The following DLG5 variants were observed in gnomAD, a reference collection of about 807,000 sequenced individuals.
DLG5 encodes discs large MAGUK scaffold protein 5.
A neutral mutation model predicts 189.8 loss-of-function variants in DLG5; 48 were observed. The ratio of observed to expected loss-of-function variants is 0.25; its 90% CI spans 0.20 to 0.32. The LOEUF (loss-of-function observed/expected upper bound fraction) is 0.32. Ranked by LOEUF, DLG5 falls within the 10% of genes least tolerant of loss-of-function variation. DLG5 has a pLI of 1.00. For missense variants in DLG5, 2,160 were observed against 2,544.7 expected, an observed-to-expected ratio of 0.85 and a Z score of 3.25; for synonymous variants, 1,016 against 1,054.1, an observed-to-expected ratio of 0.96 and a Z score of 0.70.
At chr10:77,910,103 T>C (rs1359748709) in intron 1 of DLG5, among the ~76,000 whole-genome samples, 1 of 152,144 alleles carries the variant, frequency 6.6e-6, no homozygotes, top group African/African-American at 2.4e-5. Context: ...TACGTCTACA[T>C]CCAGAAAGCC....
chr10:77,899,305 T>A (rs563698712), intron 1 of DLG5, among the ~76,000 whole-genome samples: 1 of 152,252 alleles, frequency 6.6e-6, no homozygotes, highest in South Asian at 2.1e-4. Flanking sequence ...GCAATGGAAA[T>A]CTGCCAGCAG....
At chr10:77,872,434 C>A (rs966386340) in intron 1 of DLG5, among the ~76,000 whole-genome samples, 7 of 152,210 alleles carry the variant, frequency 4.6e-5, no homozygotes, top group Non-Finnish European at 7.3e-5. Context: ...GCCTCTGGGG[C>A]CTAACCAGGG....
intron 1 of DLG5, among the ~76,000 whole-genome samples, chr10:77,897,991 T>C (rs938772090): frequency 6.6e-6 from 1 of 152,088 alleles, no homozygotes; most frequent in East Asian, 1.9e-4. Flanking sequence ...CCAGAGACCC[T>C]CCGAAGTCCT....
chr10:77,921,016 T>C (rs1230057499), intron 1 of DLG5, among the ~76,000 whole-genome samples: 2 of 152,172 alleles, frequency 1.3e-5, no homozygotes, highest in African/African-American at 4.8e-5. Context: ...TAATTTCAAA[T>C]GACTCTGCCA....
chr10:77,922,475 C>T (rs959942035), intron 1 of DLG5, among the ~76,000 whole-genome samples: 2 of 152,122 alleles, frequency 1.3e-5, no homozygotes, highest in African/African-American at 2.4e-5. Context: ...GCTTGTTCCC[C>T]GCAGATCCAT....
chr10:77,926,964 C>T (rs1464503436), upstream of DLG5: 1 of 376,990 alleles, frequency 2.7e-6, no homozygotes, highest in Non-Finnish European at 5.4e-6. The surrounding 1 kb of genome is among the most constrained non-coding windows in gnomAD (Gnocchi z 5.2). Context: ...GGGAGAAAGT[C>T]GCCTGGGCCG....
At chr10:77,878,175 C>G (rs1382136654) in intron 1 of DLG5, among the ~76,000 whole-genome samples, 1 of 152,234 alleles carries the variant, frequency 6.6e-6, no homozygotes, top group Non-Finnish European at 1.5e-5. Flanking sequence ...TTGCAGAGTA[C>G]ACTGCCCTCC....
At position 77,926,407 on chromosome 10, in the gene DLG5, G is replaced by A. The variant is rs747105151; in HGVS notation, c.114C>T (p.Pro38=). Reference sequence around the variant, plus strand: ...CCTCGTCCAGCTGCCGCCGCTCGCCGGGACTGAGCGCTCCCGCGGCCTCGA... The same window carrying A: ...CCTCGTCCAGCTGCCGCCGCTCGCCAGGACTGAGCGCTCCCGCGGCCTCGA... The part of the protein sequence containing the change: ...GLLEAAGALS[P]GERRQLDEEA... The change falls in exon 1 of 32, where the codon CCC becomes CCT. Residue 38 remains proline, a synonymous_variant. Coordinates refer to ENST00000372391, the MANE Select transcript of DLG5 (RefSeq NM_004747.4). The surrounding 1 kb of genome is among the most constrained non-coding windows in gnomAD (Gnocchi z 5.2). The A allele has an allele frequency of 3.2e-6, 5 of 1,585,198 alleles. No individual in the cohort carries two copies. The highest frequency in any genetic ancestry group is 2.6e-6 in the Non-Finnish European group (3 of 1,168,238).
chr10:77,910,987 G>GAAAAA (rs55832630), intron 1 of DLG5, among the ~76,000 whole-genome samples: 25 of 84,212 alleles, frequency 3.0e-4, no homozygotes, highest in African/African-American at 3.3e-4. Flanking sequence ...CTGTCTGAAG[G>GAAAAA]AAAAAAAAAA....
At chr10:77,862,914 G>C (rs189299505) in intron 2 of DLG5, among the ~76,000 whole-genome samples, 20 of 152,244 alleles carry the variant, frequency 1.3e-4, no homozygotes, top group Admixed American at 3.3e-4. Flanking sequence ...AAGGACTGAA[G>C]GTGGGGAAAG....
intron 12 of DLG5, 35 bp downstream of exon 12, chr10:77,829,320 C>T (rs775139967): frequency 1.2e-6 from 2 of 1,612,294 alleles, no homozygotes; most frequent in African/African-American, 2.7e-5. Context: ...GCCCCAGCCA[C>T]CTGAGGCACT....
chr10:77,884,995 A>G (rs773585947), intron 1 of DLG5, among the ~76,000 whole-genome samples: 1 of 152,202 alleles, frequency 6.6e-6, no homozygotes, highest in Non-Finnish European at 1.5e-5. Context: ...GAGGTATCCA[A>G]CGCTCACCTT....
At chr10:77,919,314 A>G (rs1248980075) in intron 1 of DLG5, among the ~76,000 whole-genome samples, 3 of 152,170 alleles carry the variant, frequency 2.0e-5, no homozygotes, top group Non-Finnish European at 4.4e-5. Flanking sequence ...ACCACTCAAC[A>G]CTAACATTAA....
intron 9 of DLG5, 122 bp from the exon 10 acceptor site, chr10:77,830,995 G>T (rs2154575975): frequency 1.6e-6 from 2 of 1,212,138 alleles, no homozygotes; most frequent in Non-Finnish European, 2.2e-6. Flanking sequence ...TTTCCCCCTT[G>T]TTTCCCAATA....
At chr10:77,819,829 C>G in intron 16 of DLG5, 66 bp downstream of exon 16, 9 of 1,502,858 alleles carry the variant, frequency 6.0e-6, no homozygotes, top group Non-Finnish European at 7.9e-6. Flanking sequence ...CCTCCCCTCT[C>G]CCTGGAGACT....
intron 27 of DLG5, among the ~76,000 whole-genome samples, chr10:77,801,261 A>G (rs190805430): frequency 2.6e-4 from 40 of 152,346 alleles, no homozygotes; most frequent in Admixed American, 1.5e-3. Context: ...AGAGAATTAA[A>G]GCCTGGTAAA....
At chr10:77,893,978 A>C (rs1168241674) in intron 1 of DLG5, among the ~76,000 whole-genome samples, 1 of 152,182 alleles carries the variant, frequency 6.6e-6, no homozygotes, top group East Asian at 1.9e-4. Flanking sequence ...TCAGAACCAG[A>C]GCCAGTGGAC....
intron 1 of DLG5, among the ~76,000 whole-genome samples, chr10:77,916,726 GA>G (rs1298215439): frequency 6.6e-6 from 1 of 151,800 alleles, no homozygotes; most frequent in Non-Finnish European, 1.5e-5. Flanking sequence ...ATTGAACACA[GA>G]ATTACCATAT....
chr10:77,918,520 G>A (rs905027344), intron 1 of DLG5, among the ~76,000 whole-genome samples: 5 of 152,064 alleles, frequency 3.3e-5, no homozygotes, highest in Admixed American at 6.6e-5. Flanking sequence ...TGAAATGAAC[G>A]TCAAGGTCAA....
Sources: gnomAD v4.1 joint callset for allele counts (sites outside exome capture counted in the v4.1 genomes callset) on GRCh38, gnomAD v4.1.1 for gene constraint, Gnocchi (gnomAD v3.1) non-coding constraint, MANE v1.5 for transcripts, NCBI Gene and HGNC (gene_info 2026-07-23, HGNC 2026-07-21) for gene names.